The following SEC13 variants were observed in gnomAD, a reference collection of about 807,000 sequenced individuals.
SEC13 encodes the protein protein SEC13 homolog.
Under a neutral mutation model 49.2 loss-of-function variants are expected in SEC13, and 25 were observed. The observed-to-expected ratio is 0.51, with a 90% confidence interval of 0.37 to 0.71. The LOEUF is 0.71. SEC13 is among the 30% of genes least tolerant of loss of function. The probability of loss-of-function intolerance (pLI) is 0.00; values close to 1 mark genes in which losing one functional copy is unlikely to be tolerated. For missense variants in SEC13, 383 were observed against 417.6 expected, an observed-to-expected ratio of 0.92 and a Z score of 0.72; for synonymous variants, 148 against 163.9, an observed-to-expected ratio of 0.90 and a Z score of 0.74.
At chr3:10,318,426 G>A (rs895842578) in intron 1 of SEC13, among the ~76,000 whole-genome samples, 3 of 151,780 alleles carry the variant, frequency 2.0e-5, no homozygotes, top group African/African-American at 4.8e-5. Flanking sequence ...ATTTGCAGGT[G>A]GCACAGGGGA....
At chr3:10,319,795 AAGGCGGGG>A (rs1559503188) in intron 1 of SEC13, among the ~76,000 whole-genome samples, 2 of 2,346 alleles carry the variant, frequency 8.5e-4, no homozygotes, top group East Asian at 0.017. Flanking sequence ...AGAGAGAGAG[AAGGCGGGG>A]GGGGGGGGGG....
intron 8 of SEC13, chr3:10,303,724 G>C (rs1574861921): frequency 2.2e-6 from 1 of 453,180 alleles, no homozygotes; most frequent in Non-Finnish European, 4.1e-6. Context: ...TCACCATGAG[G>C]TGACCAAATG....
At chr3:10,301,926 A>AAATT (rs148817181) in intron 8 of SEC13, among the ~76,000 whole-genome samples, 6,522 of 152,120 alleles carry the variant, frequency 0.043, 222 homozygotes, top group African/African-American at 0.089. Flanking sequence ...CCTGGAGAGA[A>AAATT]AATTAGGAGG....
At chr3:10,320,630 G>A (rs2059759565) in intron 1 of SEC13, 1 of 1,008,572 alleles carries the variant, frequency 9.9e-7, no homozygotes, top group Non-Finnish European at 1.2e-6. Flanking sequence ...AGCTGTGCAA[G>A]AGGCTCCACG....
intron 5 of SEC13, among the ~76,000 whole-genome samples, chr3:10,306,183 T>G (rs1342004050): frequency 6.6e-6 from 1 of 152,198 alleles, no homozygotes; most frequent in Non-Finnish European, 1.5e-5. Flanking sequence ...TCTTGTCCAT[T>G]AAACATTTTT....
chr3:10,304,240 CCA>C, intron 7 of SEC13, 68 bp from the exon 8 acceptor site: 1 of 1,547,602 alleles, frequency 6.5e-7, no homozygotes, highest in Non-Finnish European at 8.9e-7. Flanking sequence ...TGATGTCCTC[CCA>C]GTCTAGAGCC....
chr3:10,309,908 T>A (rs1701144383), intron 5 of SEC13, among the ~76,000 whole-genome samples: 1 of 152,230 alleles, frequency 6.6e-6, no homozygotes, highest in Non-Finnish European at 1.5e-5. Flanking sequence ...AGTTCCTGTC[T>A]TTGTTCCTCT....
At chr3:10,310,785 T>C (rs1341596074) in intron 5 of SEC13, among the ~76,000 whole-genome samples, 3 of 152,206 alleles carry the variant, frequency 2.0e-5, no homozygotes, top group South Asian at 2.1e-4. Context: ...CAAATGTTCA[T>C]AGCAGCATTA....
In SEC13 at chr3:10,305,649, C is replaced by G. The variant is rs1314898733; in HGVS notation, c.494G>C (p.Gly165Ala). ...AVSWAPAVVP[G>A]SLIDHPSGQK... ...CCCCGATGGGTGGTCTATGAGGCTT[C>G]CAGGTACAACAGCAGGGGCCCAGCT... The change falls in exon 6 of 9, where the codon GGA (glycine) becomes GCA (alanine). Residue 165 changes from glycine to alanine, a missense_variant. Gly to Ala is a moderately conservative substitution (Grantham distance 60, BLOSUM62 0). Coordinates refer to ENST00000350697, the MANE Select transcript of SEC13 (RefSeq NM_183352.3). 4 of 1,614,066 alleles carry G rather than the reference C, an allele frequency of 2.5e-6. No homozygotes were observed. The highest frequency in any genetic ancestry group is 3.3e-5 in the Admixed American group (2 of 60,006).
In SEC13 at chr3:10,321,006, C is replaced by T; in HGVS notation, c.3+44G>A. The T allele has an allele frequency of 6.2e-7, 1 of 1,609,006 alleles. No homozygotes were observed. On this transcript the variant is annotated intron_variant, in intron 1 of 8. Coordinates refer to ENST00000350697, the MANE Select transcript of SEC13 (RefSeq NM_183352.3). This position sits in a 1 kb window ranked among gnomAD's most constrained non-coding sequence, Gnocchi z 4.1. ...GCCGAGGAACCCGTGAAGGCCGCGACCGTGGCCTTCACCCTGCTAGGCCTC... is the reference window on the plus strand; with the variant it reads ...GCCGAGGAACCCGTGAAGGCCGCGATCGTGGCCTTCACCCTGCTAGGCCTC...
At position 10,307,811 on chromosome 3, in the gene SEC13, C is replaced by T. The variant is rs529795968; in HGVS notation, c.451-2119G>A. Among the ~76,000 whole-genome samples, 43 of 152,174 alleles carry T rather than the reference C, an allele frequency of 2.8e-4. 1 individual carries two copies. The highest frequency in any genetic ancestry group is 2.5e-3 in the Admixed American group (38 of 15,294). Reference sequence around the variant, plus strand: ...CTTGAACTCCTGAGCTCAGGTGATCCGCCTGCCTCAGCCTCCCAAAGTGCT... The same window carrying T: ...CTTGAACTCCTGAGCTCAGGTGATCTGCCTGCCTCAGCCTCCCAAAGTGCT... On this transcript the variant is annotated intron_variant, in intron 5 of 8. Coordinates refer to ENST00000350697, the MANE Select transcript of SEC13 (RefSeq NM_183352.3).
Position 10,315,397 on chromosome 3 carries a change from T to C in SEC13, c.88A>G (p.Thr30Ala). Residue 30 changes from threonine to alanine, a missense_variant, in exon 3 of 9, where the codon ACC (threonine) becomes GCC (alanine). Thr to Ala is a moderately conservative substitution (Grantham distance 58). Coordinates refer to ENST00000350697, the MANE Select transcript of SEC13 (RefSeq NM_183352.3). ...QMDYYGTRLATCSSDRSVKIF... is the reference protein window; with the variant it reads ...QMDYYGTRLAACSSDRSVKIF... ...TTGACGGACCTGTCTGATGAGCAGG[T>C]TGCCAGGCGGGTGCCATAGTAGTCC... is the stretch of plus-strand genomic sequence containing the variant. 6.7e-7 allele frequency: 1 copy of C among 1,484,772 alleles called. No individual in the cohort carries two copies. The highest frequency in any genetic ancestry group is 9.1e-7 in the Non-Finnish European group (1 of 1,099,954). 92.0% of individuals were successfully genotyped at this position (1,484,772 alleles called of 1,614,324 possible).
intron 4 of SEC13, 35 bp from the exon 5 acceptor site, chr3:10,312,133 G>C (rs1270687185): frequency 1.3e-6 from 2 of 1,552,862 alleles, no homozygotes; most frequent in Non-Finnish European, 1.7e-6. Flanking sequence ...GAGCAAAGCA[G>C]GGAGACCGCG....
intron 6 of SEC13, 65 bp downstream of exon 6, chr3:10,305,494 T>A: frequency 5.7e-6 from 9 of 1,570,946 alleles, no homozygotes; most frequent in Non-Finnish European, 7.8e-6. Context: ...TGTGGCTGAG[T>A]CATGGTGAGT....
In SEC13 at chr3:10,315,425, C is replaced by A. The variant is rs757862131; in HGVS notation, c.60G>T (p.Gln20His). Reference sequence around the variant, plus strand: ...CCAGGCGGGTGCCATAGTAGTCCATCTGGGCGTCGTGCTGCAAAGGGAGGA... The same window carrying A: ...CCAGGCGGGTGCCATAGTAGTCCATATGGGCGTCGTGCTGCAAAGGGAGGA... ...TSHEDMIHDA[Q>H]MDYYGTRLAT... The change falls in exon 3 of 9, where the codon CAG becomes CAT. Residue 20 changes from glutamine to histidine, a missense_variant. Transcript: ENST00000350697. The A allele has an allele frequency of 3.0e-6, 4 of 1,334,852 alleles. No individual in the cohort carries two copies. The highest frequency in any genetic ancestry group is 3.9e-6 in the Non-Finnish European group (4 of 1,015,684). The allele number at this position is 1,334,852 out of a possible 1,614,324, so 82.7% of individuals were successfully genotyped here.
At chr3:10,302,333 G>A (rs1225318827) in intron 8 of SEC13, among the ~76,000 whole-genome samples, 2 of 152,184 alleles carry the variant, frequency 1.3e-5, no homozygotes, top group Non-Finnish European at 2.9e-5. Context: ...AAGAACTCTT[G>A]CTTTAGGGAC....
At chr3:10,317,987 GCTTCC>G (rs756921319) in intron 2 of SEC13, 58 bp downstream of exon 2, 16 of 1,147,128 alleles carry the variant, frequency 1.4e-5, no homozygotes, top group Non-Finnish European at 2.1e-5. Context: ...ACCCCAAATT[GCTTCC>G]CTCCCACAAA....
chr3:10,319,761 T>TGACAGAGAGAGA (rs2059731997), intron 1 of SEC13, among the ~76,000 whole-genome samples: 1 of 45,508 alleles, frequency 2.2e-5, no homozygotes, highest in Non-Finnish European at 3.3e-5. Context: ...CACTTCTGAA[T>TGACAGAGAGAGA]GAGAGAGAGA....
chr3:10,311,887 C>A, intron 5 of SEC13, 78 bp downstream of exon 5: 1 of 1,612,676 alleles, frequency 6.2e-7, no homozygotes, highest in Non-Finnish European at 8.5e-7. Flanking sequence ...CCCTCCCGTG[C>A]CACCCTCTAG....
Sources: gnomAD v4.1 joint callset for allele counts (sites outside exome capture counted in the v4.1 genomes callset) on GRCh38, gnomAD v4.1.1 for gene constraint, Gnocchi (gnomAD v3.1) non-coding constraint, MANE v1.5 for transcripts, NCBI Gene and HGNC (gene_info 2026-07-23, HGNC 2026-07-21) for gene names.